NAV3: variants seen among roughly 807,000 people sequenced by gnomAD.
NAV3 encodes the protein pore membrane and/or filament interacting like protein 1.
A neutral mutation model predicts 244.7 loss-of-function variants in NAV3; 87 were observed. The ratio of observed to expected loss-of-function variants is 0.36; its 90% CI spans 0.30 to 0.42. The LOEUF (loss-of-function observed/expected upper bound fraction) is 0.42, where lower values mean the gene tolerates loss of function less well. Ranked by LOEUF, NAV3 falls within the 20% of genes least tolerant of loss-of-function variation. The probability of loss-of-function intolerance (pLI) is 1.00; values close to 1 mark genes in which losing one functional copy is unlikely to be tolerated. For missense variants in NAV3, 2,663 were observed against 2,893.3 expected (o/e 0.92, Z 1.83); for synonymous variants, 1,126 against 1,042.2 (o/e 1.08, Z -1.55).
chr12:78,048,546 G>A (rs1474937408), intron 9 of NAV3, among the ~76,000 whole-genome samples: 1 of 152,198 alleles, frequency 6.6e-6, no homozygotes, highest in Non-Finnish European at 1.5e-5. Context: ...CACCAGCAAA[G>A]GCTGCAGAAC....
intron 12 of NAV3, among the ~76,000 whole-genome samples, chr12:78,093,591 A>G (rs1480874943): frequency 6.6e-6 from 1 of 152,180 alleles, no homozygotes; most frequent in Non-Finnish European, 1.5e-5. Flanking sequence ...TATAGGGAAT[A>G]GAGACTATAA....
chr12:78,146,086 C>T (rs1157017123), intron 20 of NAV3, among the ~76,000 whole-genome samples: 1 of 151,978 alleles, frequency 6.6e-6, no homozygotes, highest in African/African-American at 2.4e-5. Flanking sequence ...TTATGATTTA[C>T]ATCTTAGAGT....
chr12:78,025,336 G>A (rs754681314), intron 9 of NAV3, among the ~76,000 whole-genome samples: 12 of 151,844 alleles, frequency 7.9e-5, no homozygotes, highest in Non-Finnish European at 1.0e-4. Context: ...GGTGGCTCAC[G>A]CTTGTAATTC....
chr12:77,943,628 A>G (rs919915498), intron 3 of NAV3, among the ~76,000 whole-genome samples: 2 of 152,224 alleles, frequency 1.3e-5, no homozygotes. Flanking sequence ...GACTAGGCTT[A>G]TGAATTTCAT....
intron 2 of NAV3, among the ~76,000 whole-genome samples, chr12:77,598,682 A>C (rs1870284741): frequency 6.6e-6 from 1 of 151,990 alleles, no homozygotes; most frequent in Admixed American, 6.6e-5. Flanking sequence ...AATCAAGGTA[A>C]TAAAAGTACA....
chr12:77,708,566 TTAAAG>T (rs945834840), intron 2 of NAV3, among the ~76,000 whole-genome samples: 2 of 152,194 alleles, frequency 1.3e-5, no homozygotes, highest in Admixed American at 6.5e-5. Context: ...CATATGAACT[TTAAAG>T]TAGTTTTTTT....
intron 26 of NAV3, among the ~76,000 whole-genome samples, chr12:78,176,882 C>G (rs779520133): frequency 3.9e-5 from 6 of 152,074 alleles, no homozygotes; most frequent in Non-Finnish European, 7.4e-5. Flanking sequence ...AATGAGTGCT[C>G]TGACAGCCAT....
intron 1 of NAV3, among the ~76,000 whole-genome samples, chr12:77,857,700 G>A (rs1053121091): frequency 6.6e-6 from 1 of 151,628 alleles, no homozygotes; most frequent in Non-Finnish European, 1.5e-5. Flanking sequence ...TTCCTCAAAA[G>A]AATTAATGAT....
chr12:77,574,737 A>G lies in NAV3; in HGVS notation c.72+2471A>G, dbSNP rs962584428. 5.3e-5 allele frequency among the ~76,000 whole-genome samples: 8 copies of G among 152,248 alleles called. No individual in the cohort carries two copies. The South Asian group carries it at 1.7e-3, about 32-fold the overall frequency. On this transcript the variant is annotated intron_variant, in intron 2 of 8. Coordinates refer to the NAV3 transcript ENST00000550042. ...ACAACCGATCTCTTATTCAGCTTAC[A>G]ATAAATCACTAGCTTTTGTTAATTT...
At chr12:77,889,653 A>G (rs1245453159) in intron 1 of NAV3, among the ~76,000 whole-genome samples, 1 of 152,194 alleles carries the variant, frequency 6.6e-6, no homozygotes, top group African/African-American at 2.4e-5. Context: ...TATCATTCAT[A>G]TTCATGACTT....
intron 23 of NAV3, among the ~76,000 whole-genome samples, chr12:78,166,899 T>C (rs1593871774): frequency 1.3e-5 from 2 of 151,748 alleles, no homozygotes; most frequent in East Asian, 3.9e-4. Context: ...TTAACAGATT[T>C]TAATCCGTAG....
chr12:78,176,508 A>G (rs760087266), intron 26 of NAV3, 49 bp downstream of exon 26: 19 of 1,596,062 alleles, frequency 1.2e-5, no homozygotes, highest in Admixed American at 1.7e-5. Context: ...AAAAAACCCT[A>G]CCTTGGCATG....
chr12:78,119,692 G>T lies in NAV3; in HGVS notation c.3496G>T (p.Val1166Phe), dbSNP rs757020983. 2 of 1,614,176 alleles carry T rather than the reference G, an allele frequency of 1.2e-6. No homozygotes were observed. The highest frequency in any genetic ancestry group is 2.2e-5 in the East Asian group (1 of 44,888). The change falls in exon 15 of 40, where the codon GTC becomes TTC. Residue 1166 changes from valine (V) to phenylalanine (F), a missense_variant. Transcript: ENST00000397909. Reference protein sequence around the residue: ...RSSTSSIDSNVSSKSAGATTS... With the variant: ...RSSTSSIDSNFSSKSAGATTS... ...CAGTACCAGCAGTATTGATTCCAACGTCAGCAGCAAGTCTGCTGGGGCCAC... is the reference window on the plus strand; with the variant it reads ...CAGTACCAGCAGTATTGATTCCAACTTCAGCAGCAAGTCTGCTGGGGCCAC...
intron 16 of NAV3, among the ~76,000 whole-genome samples, chr12:78,126,505 T>A (rs1011145152): frequency 6.6e-6 from 1 of 152,174 alleles, no homozygotes; most frequent in Non-Finnish European, 1.5e-5. Context: ...TTTCATTCCT[T>A]CTTGTTACCA....
intron 1 of NAV3, among the ~76,000 whole-genome samples, chr12:77,869,925 TTC>T (rs1185111094): frequency 6.6e-6 from 1 of 152,200 alleles, no homozygotes; most frequent in African/African-American, 2.4e-5. Context: ...ATATGTTCAA[TTC>T]TGTTTTACCT....
intron 38 of NAV3, among the ~76,000 whole-genome samples, chr12:78,202,119 A>C (rs1959775801): frequency 6.6e-6 from 1 of 151,958 alleles, no homozygotes; most frequent in Non-Finnish European, 1.5e-5. Context: ...CAATAAAATA[A>C]AAGCTTATAC....
At chr12:78,184,099 A>G (rs1395216649) in intron 30 of NAV3, among the ~76,000 whole-genome samples, 1 of 151,790 alleles carries the variant, frequency 6.6e-6, no homozygotes, top group African/African-American at 2.4e-5. Flanking sequence ...TTTCTGTTTC[A>G]TTGTTTGGTT....
At chr12:78,125,117 G>A (rs1486678348) in intron 16 of NAV3, among the ~76,000 whole-genome samples, 1 of 152,154 alleles carries the variant, frequency 6.6e-6, no homozygotes, top group Admixed American at 6.5e-5. Flanking sequence ...TCTAGTGGGT[G>A]ATACTGGCTT....
At chr12:78,155,913 G>A (rs1465726748) in intron 22 of NAV3, among the ~76,000 whole-genome samples, 1 of 152,048 alleles carries the variant, frequency 6.6e-6, no homozygotes, top group Non-Finnish European at 1.5e-5. Flanking sequence ...TTTGTCAAAT[G>A]GATAGATTCC....
Sources: allele counts gnomAD v4.1 joint callset (sites outside exome capture counted in the v4.1 genomes callset), GRCh38; gene constraint gnomAD v4.1.1; transcripts MANE v1.5; gene names NCBI Gene and HGNC (gene_info 2026-07-23, HGNC 2026-07-21).